Variants in DNAI7 observed in about 807,000 individuals in gnomAD.
DNAI7 encodes the protein dynein axonemal intermediate chain 7, also known as cancer susceptibility 1.
In DNAI7, 78 loss-of-function variants were observed where a neutral mutation model predicts 86.6. That is an observed-to-expected ratio of 0.90 (90% CI 0.75 to 1.09). DNAI7 has a LOEUF of 1.09. Ranked by LOEUF, DNAI7 falls within the 50% of genes least tolerant of loss-of-function variation. DNAI7 has a pLI of 0.00. For missense variants in DNAI7, 753 were observed against 810.2 expected, an observed-to-expected ratio of 0.93 and a Z score of 0.86; for synonymous variants, 274 against 273.0, an observed-to-expected ratio of 1.00 and a Z score of -0.04.
chr12:25,120,692 T>A (rs974966971), intron 11 of DNAI7, among the ~76,000 whole-genome samples: 2 of 151,944 alleles, frequency 1.3e-5, no homozygotes, highest in African/African-American at 2.4e-5. Flanking sequence ...GCCACTGCAC[T>A]CCAGCCTGGG....
intron 9 of DNAI7, among the ~76,000 whole-genome samples, chr12:25,132,423 A>G (rs1056533829): frequency 2.0e-5 from 3 of 152,196 alleles, no homozygotes; most frequent in Admixed American, 2.0e-4. Context: ...GGATCTTTCT[A>G]TAGAAAAGTA....
chr12:25,107,096 A>G, downstream of DNAI7: 2 of 1,084,672 alleles, frequency 1.8e-6, 1 homozygote, highest in South Asian at 2.8e-5. Flanking sequence ...TGGAATGGGA[A>G]AGGGTGAGGC....
At chr12:25,134,035 C>T (rs915068764) in intron 9 of DNAI7, among the ~76,000 whole-genome samples, 4 of 152,198 alleles carry the variant, frequency 2.6e-5, no homozygotes, top group African/African-American at 9.6e-5. Flanking sequence ...CGCTCTCTTG[C>T]CTAGGCTTGA....
chr12:25,143,014 T>G (rs1253632786), intron 9 of DNAI7, among the ~76,000 whole-genome samples: 1 of 151,030 alleles, frequency 6.6e-6, no homozygotes, highest in Non-Finnish European at 1.5e-5. Context: ...AAATTTTTAT[T>G]TTAAAAACTA....
At chr12:25,107,404 T>G (rs1235193355), downstream of DNAI7, among the ~76,000 whole-genome samples, 1 of 152,190 alleles carries the variant, frequency 6.6e-6, no homozygotes, top group Non-Finnish European at 1.5e-5. Context: ...AGGCATCCAC[T>G]GGAGGTCTTG....
chr12:25,176,529 G>C (rs888671487), intron 2 of DNAI7, among the ~76,000 whole-genome samples: 2 of 152,046 alleles, frequency 1.3e-5, no homozygotes, highest in Middle Eastern at 3.4e-3. Context: ...AGCTAGTGCT[G>C]AATGAAACAG....
intron 5 of DNAI7, 49 bp downstream of exon 5, chr12:25,155,262 C>T (rs1180636392): frequency 4.2e-6 from 4 of 954,432 alleles, no homozygotes; most frequent in Non-Finnish European, 4.8e-6. Context: ...ACTACACCTC[C>T]CTCTTGTGGT....
chr12:25,192,818 A>C (rs369808607), intron 1 of DNAI7: 5 of 125,370 alleles, frequency 4.0e-5, no homozygotes, highest in East Asian at 2.4e-4. Context: ...TGGGCAACAG[A>C]GCGAAACTCT....
chr12:25,176,745 CTTGT>C, intron 2 of DNAI7, among the ~76,000 whole-genome samples: 1 of 151,542 alleles, frequency 6.6e-6, no homozygotes, highest in East Asian at 1.9e-4. Flanking sequence ...TGATCATTTC[CTTGT>C]TTTTCTTTAT....
chr12:25,173,540 TAG>T (rs769777297), intron 2 of DNAI7, among the ~76,000 whole-genome samples: 2 of 152,228 alleles, frequency 1.3e-5, no homozygotes, highest in Middle Eastern at 3.4e-3. Flanking sequence ...GAAAACAGTG[TAG>T]AGATTCCTTA....
chr12:25,138,790 C>T (rs1943842011), intron 9 of DNAI7, among the ~76,000 whole-genome samples: 1 of 87,498 alleles, frequency 1.1e-5, no homozygotes, highest in Admixed American at 1.5e-4. Context: ...AGACACACCT[C>T]AAGGAACTAG....
intron 2 of DNAI7, among the ~76,000 whole-genome samples, chr12:25,189,412 C>T (rs1318768835): frequency 6.6e-6 from 1 of 152,000 alleles, no homozygotes; most frequent in African/African-American, 2.4e-5. Context: ...AGGCTGAGGC[C>T]GGCAGATCAC....
At chr12:25,145,306 A>G (rs1311385301) in intron 8 of DNAI7, among the ~76,000 whole-genome samples, 4 of 152,250 alleles carry the variant, frequency 2.6e-5, no homozygotes, top group African/African-American at 9.6e-5. Context: ...ATATCTTGTA[A>G]GTACTTCAAA....
chr12:25,144,547 T>C lies in DNAI7; in HGVS notation c.820A>G (p.Thr274Ala), dbSNP rs1292118832. ...DHVSALHPVS[T>A]PSKEYTSAVT... ...GCAGAAGTGTATTCTTTTGATGGTG[T>C]TGAAACAGGGTGCAGTGCAGAAACA... Residue 274 changes from threonine to alanine, a missense_variant, in exon 9 of 16, where the codon ACA becomes GCA. By Grantham distance (58) the Thr-to-Ala change is moderately conservative. Coordinates refer to ENST00000395987, the MANE Select transcript of DNAI7 (RefSeq NM_018272.5). The C allele has an allele frequency of 4.3e-6, 7 of 1,614,020 alleles. No individual in the cohort carries two copies. The highest frequency in any genetic ancestry group is 5.9e-6 in the Non-Finnish European group (7 of 1,180,020).
In DNAI7 at chr12:25,174,414, G is replaced by A. The variant is rs1482978961; in HGVS notation, c.22-13217C>T. On this transcript the variant is annotated intron_variant, in intron 2 of 15. Coordinates refer to ENST00000395987, the MANE Select transcript of DNAI7 (RefSeq NM_018272.5). ...GATATATCATATATATGGGATATAT[G>A]GGATATATATATCATATATATCATA... Among the ~76,000 whole-genome samples, 3 of 2,750 alleles carry A rather than the reference G, an allele frequency of 1.1e-3. 1 individual carries two copies. The highest frequency in any genetic ancestry group is 1.8e-3 in the Non-Finnish European group (3 of 1,708). The allele number at this position is 2,750 out of a possible 152,430, so 1.8% of individuals were successfully genotyped here. A position where few individuals can be genotyped will look rare whatever the true frequency, so the allele number is the denominator to read the frequency against.
At chr12:25,114,117 T>A (rs575014364) in intron 13 of DNAI7, among the ~76,000 whole-genome samples, 1 of 152,162 alleles carries the variant, frequency 6.6e-6, no homozygotes, top group East Asian at 1.9e-4. Flanking sequence ...GGCTAATTTT[T>A]GTATTTTTAG....
At chr12:25,188,405 C>T (rs1214377585) in intron 2 of DNAI7, among the ~76,000 whole-genome samples, 1 of 151,994 alleles carries the variant, frequency 6.6e-6, no homozygotes, top group East Asian at 1.9e-4. Context: ...TTTTTTAATG[C>T]TATTTTAATT....
At chr12:25,123,575 A>T (rs1243499984) in intron 9 of DNAI7, among the ~76,000 whole-genome samples, 1 of 152,224 alleles carries the variant, frequency 6.6e-6, no homozygotes, top group Non-Finnish European at 1.5e-5. Context: ...GCTATAAAAA[A>T]TATTATTTAT....
chr12:25,190,742 G>A, intron 1 of DNAI7, 111 bp from the exon 2 acceptor site: 1 of 505,360 alleles, frequency 2.0e-6, no homozygotes, highest in Non-Finnish European at 3.6e-6. Context: ...AAGGGCATAA[G>A]GGAACTCTCT....
Sources: allele counts gnomAD v4.1 joint callset (sites outside exome capture counted in the v4.1 genomes callset), GRCh38; gene constraint gnomAD v4.1.1; transcripts MANE v1.5; gene names NCBI Gene and HGNC (gene_info 2026-07-23, HGNC 2026-07-21).